Variants in PDE4D observed in about 807,000 individuals in gnomAD.
The protein encoded by PDE4D is phosphodiesterase 4D.
A neutral mutation model predicts 87.4 loss-of-function variants in PDE4D; 24 were observed. The ratio of observed to expected loss-of-function variants is 0.27; its 90% CI spans 0.20 to 0.39. The LOEUF (loss-of-function observed/expected upper bound fraction) is 0.39. PDE4D is among the 10% of genes least tolerant of loss of function. The pLI is 1.00. For missense variants in PDE4D, 714 were observed against 1,041.0 expected, an observed-to-expected ratio of 0.69 and a Z score of 4.32; for synonymous variants, 384 against 383.2, an observed-to-expected ratio of 1.00 and a Z score of -0.02.
chr5:60,434,137 T>G (rs1744579296), intron 1 of PDE4D, among the ~76,000 whole-genome samples: 1 of 152,160 alleles, frequency 6.6e-6, no homozygotes, highest in Non-Finnish European at 1.5e-5. Flanking sequence ...GAATCTTCAT[T>G]TAAGAGATGA....
At chr5:59,193,746 A>G in intron 2 of PDE4D, 1 of 985,412 alleles carries the variant, frequency 1.0e-6, no homozygotes, top group Non-Finnish European at 1.2e-6. Flanking sequence ...CTGGGTAAAA[A>G]GAGGGGCTTC....
intron 1 of PDE4D, among the ~76,000 whole-genome samples, chr5:59,660,142 T>C (rs1157997801): frequency 6.6e-6 from 1 of 152,054 alleles, no homozygotes; most frequent in Non-Finnish European, 1.5e-5. Flanking sequence ...TGAGTCAAGA[T>C]AATAGCACTG....
intron 3 of PDE4D, among the ~76,000 whole-genome samples, chr5:59,960,843 C>T (rs573954261): frequency 2.6e-5 from 4 of 151,908 alleles, no homozygotes; most frequent in Non-Finnish European, 5.9e-5. Flanking sequence ...GCACATGTAC[C>T]ACCTGAATCT....
chr5:59,190,786 C>T (rs1744130973), intron 3 of PDE4D, among the ~76,000 whole-genome samples: 1 of 152,112 alleles, frequency 6.6e-6, no homozygotes, highest in Non-Finnish European at 1.5e-5. Context: ...CTTAACCCCT[C>T]CCCACAGATG....
rs201446840 is a variant in PDE4D, at chr5:60,044,985, T to C, written c.43-56268A>G. Among the ~76,000 whole-genome samples the C allele has an allele frequency of 2.9e-3, 436 of 152,328 alleles. 14 individuals carry two copies. The East Asian group carries it at 0.068, about 24-fold the overall frequency. ...AACTAGTTTACAGTCCCACCAACAG[T>C]GTGAAAGTGTTCCTATTTATCCACA... On this transcript the variant is annotated intron_variant, in intron 2 of 16. Coordinates refer to the PDE4D transcript ENST00000502484.
chr5:59,467,150 C>CT (rs893734022), intron 1 of PDE4D, among the ~76,000 whole-genome samples: 74 of 152,314 alleles, frequency 4.9e-4, no homozygotes, highest in African/African-American at 1.5e-3. Context: ...GCTCTCTTGA[C>CT]TTCAGACTTC....
chr5:60,116,337 T>C (rs1778170034), intron 2 of PDE4D, among the ~76,000 whole-genome samples: 1 of 152,044 alleles, frequency 6.6e-6, no homozygotes, highest in Non-Finnish European at 1.5e-5. Flanking sequence ...CAATAGCATA[T>C]AAAAATTACA....
At chr5:59,961,378 G>C (rs1315001760) in intron 3 of PDE4D, among the ~76,000 whole-genome samples, 1 of 151,732 alleles carries the variant, frequency 6.6e-6, no homozygotes, top group South Asian at 2.1e-4. Flanking sequence ...GGAGTGCCAA[G>C]GGTTGGAAGC....
rs76021328 is a variant in PDE4D, at chr5:59,528,230, C to G, written c.456-312262G>C. On this transcript the variant is annotated intron_variant, in intron 1 of 14. Transcript: ENST00000340635. ...AGATCCTATCAGACATATGATAAAG[C>G]TTGCTTAAGGAAGCTTGAGGGAGGA... Among the ~76,000 whole-genome samples, 706 of 152,216 alleles carry G rather than the reference C, an allele frequency of 4.6e-3. 2 individuals are homozygous for G. Among genetic ancestry groups the G allele is most frequent in the African/African-American group, 0.016 (656 of 41,546 alleles).
At position 59,863,776 on chromosome 5, in the gene PDE4D, T is replaced by A. The variant is rs568169505; in HGVS notation, c.455+29392A>T. Among the ~76,000 whole-genome samples, 85 of 152,276 alleles carry A rather than the reference T, an allele frequency of 5.6e-4. 1 individual carries two copies. In the South Asian group the frequency reaches 0.011, roughly 19 times the overall value. On this transcript the variant is annotated intron_variant, in intron 1 of 14. Transcript: ENST00000340635. ...GTACCAGATATTTTTAGTTTAGGAT[T>A]TTTTTTAACATAACTTATGTTTGTG...
chr5:59,266,172 G>A (rs1762825227), intron 1 of PDE4D, among the ~76,000 whole-genome samples: 1 of 151,910 alleles, frequency 6.6e-6, no homozygotes, highest in African/African-American at 2.4e-5. Flanking sequence ...TAAGGCAGGA[G>A]GATTGAGACT....
intron 1 of PDE4D, among the ~76,000 whole-genome samples, chr5:60,372,142 CTTT>C (rs145430727): frequency 7.2e-6 from 1 of 139,038 alleles, no homozygotes; most frequent in Admixed American, 7.2e-5. Context: ...CATTGTCAGT[CTTT>C]TTTATTTTAG....
intron 1 of PDE4D, among the ~76,000 whole-genome samples, chr5:59,575,773 T>C (rs1441984720): frequency 6.6e-6 from 1 of 152,176 alleles, no homozygotes; most frequent in Non-Finnish European, 1.5e-5. Context: ...GGCACTGTGC[T>C]AAGAACAGAG....
At chr5:59,792,495 GCAC>G (rs2152649522) in intron 1 of PDE4D, among the ~76,000 whole-genome samples, 1 of 150,454 alleles carries the variant, frequency 6.6e-6, no homozygotes, top group African/African-American at 2.5e-5. Flanking sequence ...CATGGAAAAA[GCAC>G]TAACAAGGGT....
chr5:59,817,958 C>T (rs780967650), intron 1 of PDE4D, among the ~76,000 whole-genome samples: 13 of 152,106 alleles, frequency 8.5e-5, no homozygotes, highest in Non-Finnish European at 1.8e-4. Context: ...TGTCAGGTAG[C>T]CCTAAGTGTG....
chr5:59,691,193 C>G (rs986577531), intron 1 of PDE4D, among the ~76,000 whole-genome samples: 2 of 152,176 alleles, frequency 1.3e-5, no homozygotes, highest in Non-Finnish European at 2.9e-5. Flanking sequence ...ACTAGAAATA[C>G]TATTTGACCC....
chr5:59,405,523 A>G (rs1463374879), intron 1 of PDE4D, among the ~76,000 whole-genome samples: 1 of 152,244 alleles, frequency 6.6e-6, no homozygotes, highest in Non-Finnish European at 1.5e-5. Flanking sequence ...TCTGCAAACA[A>G]GAATAACTTG....
In PDE4D at chr5:60,169,984, C is replaced by CT. The variant is rs534838129; in HGVS notation, c.42+15572dup. Among the ~76,000 whole-genome samples, 95 of 152,022 alleles carry CT rather than the reference C, an allele frequency of 6.2e-4. No homozygotes were observed. The South Asian group carries it at 6.4e-3, about 10-fold the overall frequency. On this transcript the variant is annotated intron_variant, in intron 2 of 16. Transcript: ENST00000502484. ...TTTCACAACAGTTCCCAGAAAATGG[C>CT]TCAGTTTTTACTCTGTACTCTGCAT...
At chr5:60,479,055 C>T (rs7705194) in intron 1 of PDE4D, among the ~76,000 whole-genome samples, 26,511 of 152,036 alleles carry the variant, frequency 0.17, 3,717 homozygotes, top group African/African-American at 0.38. Context: ...GGCAATGTAA[C>T]TTGATGTTTC....
Sources: gnomAD v4.1 joint callset for allele counts (sites outside exome capture counted in the v4.1 genomes callset) on GRCh38, gnomAD v4.1.1 for gene constraint, MANE v1.5 for transcripts, NCBI Gene and HGNC (gene_info 2026-07-23, HGNC 2026-07-21) for gene names.